Variants in PACRG observed in about 807,000 individuals in gnomAD.
PACRG encodes parkin coregulated gene protein.
A neutral mutation model predicts 29.7 loss-of-function variants in PACRG; 29 were observed. The ratio of observed to expected loss-of-function variants is 0.98; its 90% CI spans 0.73 to 1.33. The LOEUF (loss-of-function observed/expected upper bound fraction) is 1.33. Ranked by LOEUF, PACRG falls within the 40% of genes most tolerant of loss-of-function variation. The probability of loss-of-function intolerance (pLI) is 0.00; values close to 1 mark genes in which losing one functional copy is unlikely to be tolerated. For missense variants in PACRG, 279 were observed against 316.2 expected (o/e 0.88, Z 0.89); for synonymous variants, 116 against 118.7 (o/e 0.98, Z 0.15).
chr6:162,757,347 CATT>C (rs750600304), intron 1 of PACRG, among the ~76,000 whole-genome samples: 8 of 152,088 alleles, frequency 5.3e-5, no homozygotes, highest in Middle Eastern at 3.2e-3. Context: ...ATTAAAGAAA[CATT>C]ATATAAATAT....
intron 2 of PACRG, among the ~76,000 whole-genome samples, chr6:163,010,308 A>C (rs1459352314): frequency 6.6e-6 from 1 of 152,214 alleles, no homozygotes; most frequent in Non-Finnish European, 1.5e-5. Context: ...ATTTTTAAAA[A>C]AATTTTGTAT....
At chr6:162,817,691 A>C (rs963053122) in intron 2 of PACRG, among the ~76,000 whole-genome samples, 2 of 152,218 alleles carry the variant, frequency 1.3e-5, no homozygotes, top group African/African-American at 2.4e-5. Flanking sequence ...TTAAATAGCC[A>C]CGTGGTTACC....
intron 2 of PACRG, among the ~76,000 whole-genome samples, chr6:162,825,977 A>T (rs925353671): frequency 1.3e-5 from 2 of 151,212 alleles, no homozygotes; most frequent in Non-Finnish European, 3.0e-5. Flanking sequence ...CCGTATTTAT[A>T]GTTTTGGCCA....
At chr6:163,002,168 T>C (rs1804649623) in intron 2 of PACRG, among the ~76,000 whole-genome samples, 1 of 152,216 alleles carries the variant, frequency 6.6e-6, no homozygotes, top group Non-Finnish European at 1.5e-5. Flanking sequence ...AAAATGTTAC[T>C]TAGGTTGATC....
At chr6:162,824,165 T>C (rs1438905142) in intron 2 of PACRG, among the ~76,000 whole-genome samples, 1 of 152,096 alleles carries the variant, frequency 6.6e-6, no homozygotes, top group African/African-American at 2.4e-5. Context: ...TGTTGTTGTT[T>C]CTTGAGTTGA....
chr6:162,876,527 C>T (rs1283118271), intron 2 of PACRG, among the ~76,000 whole-genome samples: 2 of 152,152 alleles, frequency 1.3e-5, no homozygotes, highest in Non-Finnish European at 2.9e-5. Context: ...AGTGTCTGTT[C>T]ATATCTTTTG....
chr6:163,274,446 G>T, intron 4 of PACRG, among the ~76,000 whole-genome samples: 1 of 152,182 alleles, frequency 6.6e-6, no homozygotes, highest in South Asian at 2.1e-4. Flanking sequence ...GGACATTTGG[G>T]TTGGTTCCAA....
chr6:162,727,605 G>A (rs1022815802), upstream of PACRG: 145 of 1,543,164 alleles, frequency 9.4e-5, no homozygotes, highest in Non-Finnish European at 1.2e-4. Flanking sequence ...GGGGCGTGGC[G>A]CCATACCGGG....
intron 2 of PACRG, among the ~76,000 whole-genome samples, chr6:162,971,897 A>G (rs7771095): frequency 0.71 from 108,233 of 151,982 alleles, 39,092 homozygotes; most frequent in African/African-American, 0.83. Context: ...TCTGTTTGGC[A>G]CCGCCTGTTC....
intron 2 of PACRG, among the ~76,000 whole-genome samples, chr6:162,827,341 G>T (rs1009771601): frequency 3.3e-5 from 5 of 152,142 alleles, no homozygotes; most frequent in African/African-American, 1.2e-4. Context: ...CAAATCTCAA[G>T]CAGCAATTTA....
chr6:162,829,195 GA>G (rs1267309838), intron 2 of PACRG, among the ~76,000 whole-genome samples: 1 of 152,226 alleles, frequency 6.6e-6, no homozygotes, highest in Non-Finnish European at 1.5e-5. Flanking sequence ...CATGTGAGCA[GA>G]TAAAGTGTCA....
chr6:163,299,033 G>A (rs1784888149), intron 4 of PACRG, among the ~76,000 whole-genome samples: 1 of 152,102 alleles, frequency 6.6e-6, no homozygotes, highest in Non-Finnish European at 1.5e-5. Flanking sequence ...TTTAATGGTT[G>A]GTTACCTGGC....
chr6:162,927,762 G>A (rs548483091), intron 2 of PACRG, among the ~76,000 whole-genome samples: 1 of 152,112 alleles, frequency 6.6e-6, no homozygotes, highest in Admixed American at 6.6e-5. Context: ...TAACAAACCT[G>A]CACATTCTGC....
chr6:163,079,196 T>C (rs919561995), intron 3 of PACRG, among the ~76,000 whole-genome samples: 20 of 152,106 alleles, frequency 1.3e-4, no homozygotes, highest in African/African-American at 4.8e-4. Context: ...TGGTTTTCCT[T>C]CATGGTCATG....
chr6:162,932,092 A>G (rs1797893420), intron 2 of PACRG, among the ~76,000 whole-genome samples: 1 of 152,036 alleles, frequency 6.6e-6, no homozygotes, highest in Admixed American at 6.6e-5. Flanking sequence ...AAAGAAATGA[A>G]TTACTGACAC....
intron 4 of PACRG, among the ~76,000 whole-genome samples, chr6:163,197,210 C>T (rs1039590696): frequency 1.7e-4 from 26 of 152,188 alleles, no homozygotes; most frequent in Non-Finnish European, 3.5e-4. Context: ...CCTTTGAATA[C>T]AGTCATAACT....
intron 2 of PACRG, among the ~76,000 whole-genome samples, chr6:162,988,147 G>A (rs570335433): frequency 3.0e-4 from 45 of 152,302 alleles, no homozygotes; most frequent in African/African-American, 1.0e-3. Flanking sequence ...CATGGTATGA[G>A]TCTCCACATG....
chr6:163,139,913 GTCTT>G lies in PACRG; in HGVS notation c.613+50507_613+50510del, dbSNP rs1817085788. 2.0e-5 allele frequency among the ~76,000 whole-genome samples: 3 copies of G among 152,116 alleles called. No individual in the cohort carries two copies. In the South Asian group the frequency reaches 6.2e-4, roughly 32 times the overall value. On this transcript the variant is annotated intron_variant, in intron 4 of 4. Coordinates refer to ENST00000366888, the MANE Select transcript of PACRG (RefSeq NM_001080379.2). Reference sequence around the variant, plus strand: ...GAATGTTCTTGCTTCTCCCCTTTGTGTCTTTATTCTTTGTTGCTCCTGCCTGTGA... The same window carrying G: ...GAATGTTCTTGCTTCTCCCCTTTGTGTATTCTTTGTTGCTCCTGCCTGTGA...
At chr6:163,171,638 C>T (rs1779089954) in intron 4 of PACRG, among the ~76,000 whole-genome samples, 1 of 152,196 alleles carries the variant, frequency 6.6e-6, no homozygotes, top group African/African-American at 2.4e-5. Context: ...AATAACTTTT[C>T]CCCCCAGTTT....
Sources: allele counts gnomAD v4.1 joint callset (sites outside exome capture counted in the v4.1 genomes callset), GRCh38; gene constraint gnomAD v4.1.1; transcripts MANE v1.5; gene names NCBI Gene and HGNC (gene_info 2026-07-23, HGNC 2026-07-21).